LRPPRC: variants seen among roughly 807,000 people sequenced by gnomAD.
LRPPRC encodes the protein leucine-rich PPR motif-containing protein, mitochondrial.
LRPPRC carries 120 observed loss-of-function variants against 180.3 expected under a neutral mutation model. That is an observed-to-expected ratio of 0.67 (90% CI 0.57 to 0.77). The LOEUF (loss-of-function observed/expected upper bound fraction) is 0.77, where lower values mean the gene tolerates loss of function less well. Ranked by LOEUF, LRPPRC falls within the 30% of genes least tolerant of loss-of-function variation. The pLI, the probability that LRPPRC is intolerant of heterozygous loss-of-function variation, is 0.00. For missense variants in LRPPRC, 2,012 were observed against 1,657.2 expected (o/e 1.21, Z -3.72); for synonymous variants, 723 against 600.0 (o/e 1.21, Z -3.00).
chr2:43,961,453 A>T (rs925706176), intron 12 of LRPPRC, among the ~76,000 whole-genome samples: 4 of 152,214 alleles, frequency 2.6e-5, no homozygotes, highest in African/African-American at 7.2e-5. Context: ...GCTCGATAAT[A>T]TGAACAGTAT....
At chr2:43,948,045 A>G (rs1672756900) in intron 18 of LRPPRC, 77 bp downstream of exon 18, 5 of 1,035,116 alleles carry the variant, frequency 4.8e-6, no homozygotes, top group East Asian at 2.4e-5. Flanking sequence ...CAAAAGCATC[A>G]TATTTAAATA....
At chr2:43,948,665 G>A in intron 16 of LRPPRC, 147 bp from the exon 17 acceptor site, 1 of 664,810 alleles carries the variant, frequency 1.5e-6, no homozygotes, top group South Asian at 1.7e-5. Context: ...GAGGCATAGA[G>A]ATTATGTGGT....
intron 2 of LRPPRC, 57 bp from the exon 3 acceptor site, chr2:43,980,005 A>C: frequency 1.3e-6 from 2 of 1,530,216 alleles, no homozygotes; most frequent in Admixed American, 3.4e-5. Flanking sequence ...CACATAGATA[A>C]ATATCAAAAT....
Position 43,887,596 on chromosome 2 carries a change from C to G in LRPPRC, c.*1004G>C, listed in dbSNP as rs1359826536. ...GGGAGAGTTCTCAAAACATTTTCAACATTTCGGTAATTAATTACCTCATCT... is the reference window on the plus strand; with the variant it reads ...GGGAGAGTTCTCAAAACATTTTCAAGATTTCGGTAATTAATTACCTCATCT... On this transcript the variant is annotated 3_prime_UTR_variant, in exon 38 of 38. Transcript: ENST00000260665. 2 of 152,178 alleles carry G rather than the reference C, an allele frequency of 1.3e-5. No homozygotes were observed. The highest frequency in any genetic ancestry group is 4.8e-5 in the African/African-American group (2 of 41,440). The allele number at this position is 152,178 out of a possible 1,614,324, so 9.4% of individuals were successfully genotyped here. A position where few individuals can be genotyped will look rare whatever the true frequency, so the allele number is the denominator to read the frequency against.
At chr2:43,973,567 T>A (rs368596901) in intron 11 of LRPPRC, 40 bp downstream of exon 11, 2 of 1,285,564 alleles carry the variant, frequency 1.6e-6, no homozygotes, top group African/African-American at 1.5e-5. Context: ...TCATACTGGC[T>A]CTGGGAACCA....
chr2:43,982,192 G>T, intron 2 of LRPPRC, 46 bp downstream of exon 2: 1 of 1,413,904 alleles, frequency 7.1e-7, no homozygotes, highest in Non-Finnish European at 9.6e-7. Context: ...CTGAGCCACT[G>T]TGACCAGCCA....
intron 23 of LRPPRC, among the ~76,000 whole-genome samples, chr2:43,938,544 A>G (rs1672355348): frequency 6.6e-6 from 1 of 152,228 alleles, no homozygotes; most frequent in Non-Finnish European, 1.5e-5. Context: ...ACATGACTAC[A>G]AAGAGCTACT....
intron 1 of LRPPRC, among the ~76,000 whole-genome samples, chr2:43,984,168 G>A (rs1028700508): frequency 7.9e-5 from 12 of 151,990 alleles, no homozygotes; most frequent in African/African-American, 2.9e-4. Context: ...TGTCCCGCAA[G>A]CACAAAGTGA....
rs370360569 is a variant in LRPPRC, at chr2:43,982,307, A to T, written c.277T>A (p.Ser93Thr). ...FDWALMRLDL[S>T]VRRTGRIPKK... ...GGAATGCGGCCAGTTCTTCGAACAG[A>T]AAGATCTAGTCTCATTAGAGCCCAA... The change falls in exon 2 of 38, where the codon TCT becomes ACT. Residue 93 changes from serine to threonine, a missense_variant. By Grantham distance (58) the Ser-to-Thr change is moderately conservative. Coordinates refer to ENST00000260665, the MANE Select transcript of LRPPRC (RefSeq NM_133259.4). 2 of 1,595,156 alleles carry T rather than the reference A, an allele frequency of 1.3e-6. No homozygotes were observed. The highest frequency in any genetic ancestry group is 1.7e-6 in the Non-Finnish European group (2 of 1,171,550).
In LRPPRC at chr2:43,952,134, G is replaced by A. The variant is rs373438845; in HGVS notation, c.1650-1534C>T. Among the ~76,000 whole-genome samples, 49 of 152,040 alleles carry A rather than the reference G, an allele frequency of 3.2e-4. 1 individual carries two copies. In the South Asian group the frequency reaches 7.5e-3, roughly 23 times the overall value. On this transcript the variant is annotated intron_variant, in intron 14 of 37. Transcript: ENST00000260665. ...CTTGAACCCGGGAGGCGGAGGTTGC[G>A]GTGAGCCAAGATCGCGCCACTGCAC... is the stretch of plus-strand genomic sequence containing the variant.
At chr2:43,995,446 G>C (rs946666739) in intron 1 of LRPPRC, among the ~76,000 whole-genome samples, 1 of 152,210 alleles carries the variant, frequency 6.6e-6, no homozygotes, top group African/African-American at 2.4e-5. Flanking sequence ...CACCACCCAA[G>C]CTGGCCAAGT....
rs1673920451 is a variant in LRPPRC at position 43,973,718 on chromosome 2, A to T, written c.1262-4T>A. ...TTCATTAAGGCTTTTGCCAAATCTGAAAGAGATATCATAAAAGATCACAAA... is the reference window on the plus strand; with the variant it reads ...TTCATTAAGGCTTTTGCCAAATCTGTAAGAGATATCATAAAAGATCACAAA... On this transcript the variant is annotated splice_region_variant and splice_polypyrimidine_tract_variant and intron_variant, in intron 10 of 37. Coordinates refer to ENST00000260665, the MANE Select transcript of LRPPRC (RefSeq NM_133259.4). 2 of 1,610,162 alleles carry T rather than the reference A, an allele frequency of 1.2e-6. No homozygotes were observed. Among genetic ancestry groups the T allele is most frequent in the Admixed American group, 1.7e-5 (1 of 60,022 alleles).
intron 17 of LRPPRC, 88 bp from the exon 18 acceptor site, chr2:43,948,287 T>A: frequency 6.2e-6 from 6 of 960,062 alleles, no homozygotes; most frequent in Non-Finnish European, 1.0e-5. Context: ...TCAGACATAA[T>A]TTAAGTCTCC....
chr2:43,991,586 C>G (rs996433469), intron 1 of LRPPRC, among the ~76,000 whole-genome samples: 1 of 152,098 alleles, frequency 6.6e-6, no homozygotes, highest in Non-Finnish European at 1.5e-5. Context: ...CAGCTCTGAT[C>G]CAGAAATGCA....
intron 25 of LRPPRC, among the ~76,000 whole-genome samples, chr2:43,930,496 T>C (rs1469763507): frequency 6.6e-6 from 1 of 152,216 alleles, no homozygotes; most frequent in Non-Finnish European, 1.5e-5. Context: ...TGGTTGAACA[T>C]CCCAAATTCG....
intron 30 of LRPPRC, among the ~76,000 whole-genome samples, chr2:43,907,804 T>C (rs1558916483): frequency 6.6e-6 from 1 of 152,162 alleles, no homozygotes; most frequent in South Asian, 2.1e-4. Context: ...GACAGTATTA[T>C]AGGGAAACTT....
intron 30 of LRPPRC, among the ~76,000 whole-genome samples, chr2:43,908,797 G>A (rs1558918106): frequency 6.6e-6 from 1 of 152,170 alleles, no homozygotes; most frequent in Non-Finnish European, 1.5e-5. Context: ...AAAGTGCTGG[G>A]ATTACAGCCA....
rs1339145696 is a variant in LRPPRC at position 43,886,752 on chromosome 2, T to G, written c.*1848A>C. The G allele has an allele frequency of 6.6e-6, 1 of 152,192 alleles. No individual in the cohort carries two copies. Among genetic ancestry groups the G allele is most frequent in the Non-Finnish European group, 1.5e-5 (1 of 68,056 alleles). The allele number at this position is 152,192 out of a possible 1,614,324, so 9.4% of individuals were successfully genotyped here. On this transcript the variant is annotated 3_prime_UTR_variant, in exon 38 of 38. Transcript: ENST00000260665. ...CGTTATGCCTCACCTTGGAGACCTATTCTAATGAATGTCAATTAGTGAATG... is the reference window on the plus strand; with the variant it reads ...CGTTATGCCTCACCTTGGAGACCTAGTCTAATGAATGTCAATTAGTGAATG...
chr2:43,899,202 G>C lies in LRPPRC; in HGVS notation c.3825+17C>G. Reference sequence around the variant, plus strand: ...CAAGCCTCGAGCCCCACTGCTCCATGAGTGGAGGGTCATTACCTGTAGGAG... The same window carrying C: ...CAAGCCTCGAGCCCCACTGCTCCATCAGTGGAGGGTCATTACCTGTAGGAG... On this transcript the variant is annotated intron_variant, in intron 34 of 37. Transcript: ENST00000260665. 6.4e-7 allele frequency: 1 copy of C among 1,557,814 alleles called. No homozygotes were observed. The highest frequency in any genetic ancestry group is 8.9e-7 in the Non-Finnish European group (1 of 1,129,030).
Sources: allele counts gnomAD v4.1 joint callset (sites outside exome capture counted in the v4.1 genomes callset), GRCh38; gene constraint gnomAD v4.1.1; transcripts MANE v1.5; gene names NCBI Gene and HGNC (gene_info 2026-07-23, HGNC 2026-07-21).